PTPRT: variants seen among roughly 807,000 people sequenced by gnomAD.
PTPRT encodes the protein receptor-type tyrosine-protein phosphatase T.
Under a neutral mutation model 176.8 loss-of-function variants are expected in PTPRT, and 56 were observed. The observed-to-expected ratio is 0.32, with a 90% CI of 0.26 to 0.40. The LOEUF (loss-of-function observed/expected upper bound fraction) is 0.40, where lower values mean the gene tolerates loss of function less well. Among genes scored for constraint, PTPRT ranks in the 10% least tolerant of loss-of-function variants. The pLI is 1.00. For synonymous variants in PTPRT, 783 were observed against 739.0 expected (o/e 1.06, Z -0.96); for missense variants, 1,540 against 1,908.2 (o/e 0.81, Z 3.60).
At chr20:42,396,248 C>T (rs984369802) in intron 9 of PTPRT, among the ~76,000 whole-genome samples, 3 of 152,156 alleles carry the variant, frequency 2.0e-5, no homozygotes, top group Non-Finnish European at 4.4e-5. Flanking sequence ...CTTTCTTTCA[C>T]ATCCCAAACC....
chr20:42,204,495 G>C (rs1015783895), intron 15 of PTPRT, among the ~76,000 whole-genome samples: 1 of 152,210 alleles, frequency 6.6e-6, no homozygotes, highest in Non-Finnish European at 1.5e-5. Flanking sequence ...TAAAAAGAGA[G>C]TATGCATAAG....
At chr20:42,532,145 C>A (rs1207165310) in intron 7 of PTPRT, among the ~76,000 whole-genome samples, 1 of 152,084 alleles carries the variant, frequency 6.6e-6, no homozygotes, top group East Asian at 1.9e-4. Flanking sequence ...TGGATACAGA[C>A]CCTTGGAAGA....
intron 1 of PTPRT, among the ~76,000 whole-genome samples, chr20:42,987,344 G>A (rs1314893027): frequency 6.6e-6 from 1 of 152,174 alleles, no homozygotes; most frequent in East Asian, 1.9e-4. Context: ...AGTCGCACGA[G>A]CCACATTTCA....
intron 7 of PTPRT, among the ~76,000 whole-genome samples, chr20:42,590,797 T>A (rs2073555534): frequency 6.6e-6 from 1 of 152,136 alleles, no homozygotes; most frequent in Non-Finnish European, 1.5e-5. Flanking sequence ...CTTAAAAACA[T>A]ATTATAAAAC....
chr20:42,296,276 T>C (rs749757576), intron 12 of PTPRT, among the ~76,000 whole-genome samples: 4 of 152,056 alleles, frequency 2.6e-5, no homozygotes, highest in Non-Finnish European at 4.4e-5. Flanking sequence ...TGAAACCCCG[T>C]CTTTACTAAA....
At chr20:42,313,152 G>T (rs2057661735) in intron 12 of PTPRT, among the ~76,000 whole-genome samples, 1 of 152,092 alleles carries the variant, frequency 6.6e-6, no homozygotes, top group South Asian at 2.1e-4. Context: ...ACCATCATCA[G>T]GACAGTTTAC....
intron 7 of PTPRT, among the ~76,000 whole-genome samples, chr20:42,474,593 C>T (rs1331083682): frequency 6.6e-6 from 1 of 152,168 alleles, no homozygotes; most frequent in Non-Finnish European, 1.5e-5. Flanking sequence ...GAGAATGTGA[C>T]ATTGAACAAG....
At chr20:42,314,995 A>G (rs1023441744) in intron 12 of PTPRT, among the ~76,000 whole-genome samples, 20 of 152,110 alleles carry the variant, frequency 1.3e-4, no homozygotes, top group Admixed American at 3.3e-4. Flanking sequence ...AGATTGTTGA[A>G]TGACCTTTGA....
intron 2 of PTPRT, among the ~76,000 whole-genome samples, chr20:42,864,989 T>C (rs1265922943): frequency 6.6e-6 from 1 of 152,194 alleles, no homozygotes; most frequent in Non-Finnish European, 1.5e-5. Flanking sequence ...TAAGATTTAT[T>C]TTCCAGAGGT....
chr20:42,556,766 A>C (rs2072868553), intron 7 of PTPRT, among the ~76,000 whole-genome samples: 1 of 152,106 alleles, frequency 6.6e-6, no homozygotes, highest in Admixed American at 6.6e-5. Context: ...ACATTGCACA[A>C]TGTTGTTAGT....
chr20:43,189,577 C>A lies in PTPRT; in HGVS notation c.88+69G>T. The A allele has an allele frequency of 9.3e-7, 1 of 1,078,240 alleles. No homozygotes were observed. The highest frequency in any genetic ancestry group is 1.2e-6 in the Non-Finnish European group (1 of 857,616). 66.8% of individuals were successfully genotyped at this position (1,078,240 alleles called of 1,614,324 possible). A position where few individuals can be genotyped will look rare whatever the true frequency, so the allele number is the denominator to read the frequency against. On this transcript the variant is annotated intron_variant, in intron 1 of 30. Coordinates refer to ENST00000373187, the MANE Select transcript of PTPRT (RefSeq NM_007050.6). This position sits in a 1 kb window ranked among gnomAD's most constrained non-coding sequence, Gnocchi z 5.0. ...ACACAACTTTCTCCTCCGAGGGCCCCGCGGCTGGGGGCCCGCGCGCATCCA... is the reference window on the plus strand; with the variant it reads ...ACACAACTTTCTCCTCCGAGGGCCCAGCGGCTGGGGGCCCGCGCGCATCCA...
chr20:43,101,705 G>A (rs559823165), intron 1 of PTPRT, among the ~76,000 whole-genome samples: 1 of 152,280 alleles, frequency 6.6e-6, no homozygotes, highest in Non-Finnish European at 1.5e-5. Context: ...GCACAATATG[G>A]GACAGGCTAA....
chr20:42,504,335 TAA>T (rs546722259), intron 7 of PTPRT, among the ~76,000 whole-genome samples: 9 of 151,094 alleles, frequency 6.0e-5, no homozygotes, highest in African/African-American at 2.2e-4. Context: ...AAATGAATGT[TAA>T]AAAAAAACCA....
chr20:42,492,175 T>A (rs2071571497), intron 7 of PTPRT, among the ~76,000 whole-genome samples: 1 of 152,180 alleles, frequency 6.6e-6, no homozygotes, highest in African/African-American at 2.4e-5. Context: ...TGTGTGAACA[T>A]GAGTTTTTGC....
intron 1 of PTPRT, among the ~76,000 whole-genome samples, chr20:43,185,990 C>G (rs2015380781): frequency 6.6e-6 from 1 of 152,074 alleles, no homozygotes; most frequent in Non-Finnish European, 1.5e-5. Flanking sequence ...GGCCAGTTCA[C>G]TATTTAGCAT....
At chr20:42,958,897 T>C (rs552099536) in intron 1 of PTPRT, among the ~76,000 whole-genome samples, 27 of 152,314 alleles carry the variant, frequency 1.8e-4, no homozygotes, top group African/African-American at 6.3e-4. Flanking sequence ...AGTATTTGCC[T>C]GGAAAATCAA....
chr20:42,547,097 C>T (rs561989776), intron 7 of PTPRT, among the ~76,000 whole-genome samples: 2 of 152,172 alleles, frequency 1.3e-5, no homozygotes, highest in South Asian at 4.1e-4. Flanking sequence ...CTATAAAGCT[C>T]AATAAAGCAA....
rs1441651045 is a variant in PTPRT, at chr20:42,634,098, T to TA, written c.1153+43767dup. ...ATAATATATATATAATATAATAATA[T>TA]ATATATTATAATAATATAATATATT... On this transcript the variant is annotated intron_variant, in intron 7 of 30. Transcript: ENST00000373187. Among the ~76,000 whole-genome samples the TA allele has an allele frequency of 4.2e-3, 199 of 47,768 alleles. 6 individuals are homozygous for TA. The highest frequency in any genetic ancestry group is 0.02 in the African/African-American group (192 of 9,546). The allele number at this position is 47,768 out of a possible 152,430, so 31.3% of individuals were successfully genotyped here. A position where few individuals can be genotyped will look rare whatever the true frequency, so the allele number is the denominator to read the frequency against.
chr20:42,620,708 G>A (rs1431933316), intron 7 of PTPRT, among the ~76,000 whole-genome samples: 1 of 152,174 alleles, frequency 6.6e-6, no homozygotes, highest in Non-Finnish European at 1.5e-5. Context: ...AATTTTCCAG[G>A]TGCGTCAGTC....
Sources: allele counts gnomAD v4.1 joint callset (sites outside exome capture counted in the v4.1 genomes callset), GRCh38; gene constraint gnomAD v4.1.1; non-coding constraint Gnocchi (gnomAD v3.1); transcripts MANE v1.5; gene names NCBI Gene and HGNC (gene_info 2026-07-23, HGNC 2026-07-21).